Variants in CEMIP observed in about 807,000 individuals in gnomAD.
CEMIP encodes cell migration inducing hyaluronidase 1.
In CEMIP, 105 loss-of-function variants were observed where a neutral mutation model predicts 156.9. The ratio of observed to expected loss-of-function variants is 0.67; its 90% CI spans 0.57 to 0.79. The LOEUF is 0.79. Ranked by LOEUF, CEMIP falls within the 30% of genes least tolerant of loss-of-function variation. The pLI is 0.00. For missense variants in CEMIP, 1,457 were observed against 1,769.4 expected (o/e 0.82, Z 3.17); for synonymous variants, 676 against 668.4 (o/e 1.01, Z -0.17).
At position 80,931,875 on chromosome 15, in the gene CEMIP, G is replaced by C. The variant is rs775913013; in HGVS notation, c.2629G>C (p.Gly877Arg). ...ACTCCGTAGGAATTTTCCAATTAGA[G>C]GAATTCAGTTATATGATGGCCCCAT... ...LPIGQNFPIR[G>R]IQLYDGPINI... Residue 877 changes from glycine to arginine, a missense_variant, in exon 22 of 30, where the codon GGA becomes CGA. By Grantham distance (125) the Gly-to-Arg change is moderately radical. Coordinates refer to ENST00000394685, the MANE Select transcript of CEMIP (RefSeq NM_001293298.2). The C allele has an allele frequency of 6.2e-7, 1 of 1,614,140 alleles. No homozygotes were observed. The highest frequency in any genetic ancestry group is 8.5e-7 in the Non-Finnish European group (1 of 1,179,996).
At chr15:80,805,236 A>G (rs1264858189) in intron 1 of CEMIP, among the ~76,000 whole-genome samples, 1 of 152,188 alleles carries the variant, frequency 6.6e-6, no homozygotes, top group Non-Finnish European at 1.5e-5. Context: ...CAAGGCTGCT[A>G]AAGGCTGTTT....
At chr15:80,840,954 G>C (rs923984974) in intron 1 of CEMIP, among the ~76,000 whole-genome samples, 1 of 152,192 alleles carries the variant, frequency 6.6e-6, no homozygotes, top group African/African-American at 2.4e-5. Flanking sequence ...TGTCCTCACT[G>C]GCCACAAGGG....
At position 80,906,809 on chromosome 15, in the gene CEMIP, G is replaced by A. The variant is rs370680800; in HGVS notation, c.1558G>A (p.Asp520Asn). Reference protein sequence around the residue: ...PYRNHICNFFDFDTFGGHIKF... With the variant: ...PYRNHICNFFNFDTFGGHIKF... ...CAGAAACCACATCTGCAATTTCTTT[G>A]ACTTCGATACCTTTGGGGGCCACAT... Residue 520 changes from aspartate to asparagine, a missense_variant, in exon 13 of 30, where the codon GAC becomes AAC. Coordinates refer to ENST00000394685, the MANE Select transcript of CEMIP (RefSeq NM_001293298.2). The surrounding 1 kb of genome is among the most constrained non-coding windows in gnomAD (Gnocchi z 4.3). 8.7e-6 allele frequency: 14 copies of A among 1,614,006 alleles called. No homozygotes were observed. The African/African-American group carries it at 1.9e-4, about 22-fold the overall frequency.
rs1901189907 is a variant in CEMIP, at chr15:80,937,875, G to A, written c.3303G>A (p.Leu1101=). The A allele has an allele frequency of 6.2e-7, 1 of 1,614,114 alleles. No homozygotes were observed. The highest frequency in any genetic ancestry group is 1.3e-5 in the African/African-American group (1 of 74,938). ...SILSDVHNRL[L]KQTSKTGVFV... ...TCTCGGATGTTCACAATCGCCTGCT[G>A]AAGCAAACGTCCAAGACGGGCGTCT... The change falls in exon 25 of 30, where the codon CTG becomes CTA. Residue 1101 remains leucine, a synonymous_variant. Coordinates refer to ENST00000394685, the MANE Select transcript of CEMIP (RefSeq NM_001293298.2).
chr15:80,882,092 G>T (rs1204837570), intron 6 of CEMIP, among the ~76,000 whole-genome samples: 1 of 152,182 alleles, frequency 6.6e-6, no homozygotes, highest in African/African-American at 2.4e-5. Flanking sequence ...CTCAAGAACA[G>T]GGCCCGAGCT....
chr15:80,843,221 G>A (rs1897468331), intron 1 of CEMIP, among the ~76,000 whole-genome samples: 1 of 152,198 alleles, frequency 6.6e-6, no homozygotes, highest in South Asian at 2.1e-4. Context: ...TTAAGGGTAA[G>A]AAATATTAGG....
chr15:80,836,798 G>A (rs1187077824), intron 1 of CEMIP, among the ~76,000 whole-genome samples: 14 of 152,250 alleles, frequency 9.2e-5, no homozygotes, highest in African/African-American at 2.9e-4. Flanking sequence ...AGGGCATTCA[G>A]CAAATGAAGA....
chr15:80,916,669 G>C (rs934191477), intron 14 of CEMIP, among the ~76,000 whole-genome samples: 2 of 151,858 alleles, frequency 1.3e-5, no homozygotes, highest in Non-Finnish European at 2.9e-5. Context: ...TTTAACACTG[G>C]GTAATGTTCT....
chr15:80,888,838 T>C, intron 9 of CEMIP, 42 bp downstream of exon 9: 4 of 1,461,386 alleles, frequency 2.7e-6, no homozygotes, highest in Non-Finnish European at 3.8e-6. Context: ...AACAGTGGGA[T>C]AGAAGACCAG....
At chr15:80,862,626 G>A (rs981885744) in intron 1 of CEMIP, among the ~76,000 whole-genome samples, 7 of 152,234 alleles carry the variant, frequency 4.6e-5, no homozygotes, top group African/African-American at 1.7e-4. Context: ...TGTGAGGTAG[G>A]AGGCAGCTTC....
rs1233268971 is a variant in CEMIP, at chr15:80,936,660, T to C, written c.3010-14T>C. 2 of 1,607,440 alleles carry C rather than the reference T, an allele frequency of 1.2e-6. No individual in the cohort carries two copies. Among genetic ancestry groups the C allele is most frequent in the African/African-American group, 1.3e-5 (1 of 74,788 alleles). Reference sequence around the variant, plus strand: ...AATAGCCTCATTGTGTGTTTCCTTTTTGGGTTTTAAAAGATGTACATTCAA... The same window carrying C: ...AATAGCCTCATTGTGTGTTTCCTTTCTGGGTTTTAAAAGATGTACATTCAA... On this transcript the variant is annotated splice_polypyrimidine_tract_variant and intron_variant, in intron 23 of 29. Coordinates refer to ENST00000394685, the MANE Select transcript of CEMIP (RefSeq NM_001293298.2).
intron 1 of CEMIP, among the ~76,000 whole-genome samples, chr15:80,850,565 C>CA (rs1171514568): frequency 6.6e-6 from 1 of 152,200 alleles, no homozygotes. Context: ...TGTGAGGCAT[C>CA]ACGCCCAGCC....
intron 1 of CEMIP, among the ~76,000 whole-genome samples, chr15:80,813,212 C>T (rs1051065320): frequency 6.6e-6 from 1 of 152,132 alleles, no homozygotes; most frequent in African/African-American, 2.4e-5. Flanking sequence ...ATAGCACCTC[C>T]TTCAAAAGGT....
At position 80,931,720 on chromosome 15, in the gene CEMIP, G is replaced by A. The variant is rs187151169; in HGVS notation, c.2613-139G>A. On this transcript the variant is annotated intron_variant, in intron 21 of 29. Coordinates refer to ENST00000394685, the MANE Select transcript of CEMIP (RefSeq NM_001293298.2). Reference sequence around the variant, plus strand: ...GGGAGTTTCTAGAGGTGGGGATCAGGAATGGTTTTACCCAGGAAGTCTCTG... The same window carrying A: ...GGGAGTTTCTAGAGGTGGGGATCAGAAATGGTTTTACCCAGGAAGTCTCTG... 2.4e-5 allele frequency: 18 copies of A among 753,564 alleles called. No homozygotes were observed. In the African/African-American group the frequency reaches 2.7e-4, roughly 11 times the overall value. 46.7% of individuals were successfully genotyped at this position (753,564 alleles called of 1,614,324 possible). A position where few individuals can be genotyped will look rare whatever the true frequency, so the allele number is the denominator to read the frequency against.
At chr15:80,939,364 G>A (rs1309109958) in intron 25 of CEMIP, among the ~76,000 whole-genome samples, 1 of 152,212 alleles carries the variant, frequency 6.6e-6, no homozygotes, top group African/African-American at 2.4e-5. Flanking sequence ...GGAGGGCCCA[G>A]GGGCCAGGAG....
chr15:80,935,706 A>G (rs1901094746), intron 23 of CEMIP, among the ~76,000 whole-genome samples: 1 of 152,148 alleles, frequency 6.6e-6, no homozygotes, highest in South Asian at 2.1e-4. Flanking sequence ...GGGATGTGCC[A>G]TAAAACAGGA....
chr15:80,791,934 T>C (rs1431342173), intron 1 of CEMIP, among the ~76,000 whole-genome samples: 1 of 152,200 alleles, frequency 6.6e-6, no homozygotes, highest in Non-Finnish European at 1.5e-5. Context: ...CTTAACTGGA[T>C]GAGATGGATA....
intron 1 of CEMIP, among the ~76,000 whole-genome samples, chr15:80,830,148 G>T (rs1897128833): frequency 6.6e-6 from 1 of 152,132 alleles, no homozygotes; most frequent in Non-Finnish European, 1.5e-5. Context: ...CAAGTTTCCT[G>T]GTCCAGGCTG....
chr15:80,886,559 A>G (rs60213185), intron 7 of CEMIP, among the ~76,000 whole-genome samples: 28,805 of 151,874 alleles, frequency 0.19, 2,964 homozygotes, highest in East Asian at 0.31. Flanking sequence ...GTAGGGGGGG[A>G]AAATCTCTTT....
Sources: allele counts gnomAD v4.1 joint callset (sites outside exome capture counted in the v4.1 genomes callset), GRCh38; gene constraint gnomAD v4.1.1; non-coding constraint Gnocchi (gnomAD v3.1); transcripts MANE v1.5; gene names NCBI Gene and HGNC (gene_info 2026-07-23, HGNC 2026-07-21).